The following TNRC18 variants were observed in gnomAD, a reference collection of about 807,000 sequenced individuals.
TNRC18 encodes the protein trinucleotide repeat-containing gene 18 protein.
A neutral mutation model predicts 226.7 loss-of-function variants in TNRC18; 69 were observed. The ratio of observed to expected loss-of-function variants is 0.30; its 90% CI spans 0.25 to 0.37. The LOEUF (loss-of-function observed/expected upper bound fraction) is 0.37, where lower values mean the gene tolerates loss of function less well. TNRC18 is among the 10% of genes least tolerant of loss of function. TNRC18 has a pLI of 1.00. For missense variants in TNRC18, 4,754 were observed against 4,256.6 expected, an observed-to-expected ratio of 1.12 and a Z score of -3.25; for synonymous variants, 2,449 against 1,927.6, an observed-to-expected ratio of 1.27 and a Z score of -7.09.
intron 17 of TNRC18, among the ~76,000 whole-genome samples, chr7:5,348,886 G>A (rs1375498302): frequency 6.8e-6 from 1 of 147,930 alleles, no homozygotes; most frequent in African/African-American, 2.5e-5. Flanking sequence ...AGTGTAGGCA[G>A]ACTTTTCAAC....
At chr7:5,366,804 G>A (rs1562558232) in intron 11 of TNRC18, among the ~76,000 whole-genome samples, 1 of 152,140 alleles carries the variant, frequency 6.6e-6, no homozygotes, top group Non-Finnish European at 1.5e-5. Flanking sequence ...TCCAAGAGGG[G>A]ACCAAGGTAC....
chr7:5,379,209 A>C (rs1277911461), intron 5 of TNRC18, among the ~76,000 whole-genome samples: 7 of 151,734 alleles, frequency 4.6e-5, no homozygotes, highest in East Asian at 3.9e-4. Context: ...AAAAAAAAAA[A>C]CAAAAAAACA....
At chr7:5,415,211 TC>T (rs1332826832) in intron 2 of TNRC18, among the ~76,000 whole-genome samples, 1 of 151,986 alleles carries the variant, frequency 6.6e-6, no homozygotes, top group Non-Finnish European at 1.5e-5. Flanking sequence ...ACTTTTGTGT[TC>T]CGTCCACCTT....
chr7:5,333,371 G>A (rs1481005665), intron 18 of TNRC18, among the ~76,000 whole-genome samples: 1 of 152,214 alleles, frequency 6.6e-6, no homozygotes. Context: ...AGCTGGGCAG[G>A]ACGGGCCCCA....
Position 5,317,256 on chromosome 7 carries a change from C to A in TNRC18, c.6746-1184G>T, listed in dbSNP as rs115627245. Among the ~76,000 whole-genome samples, 579 of 152,034 alleles carry A rather than the reference C, an allele frequency of 3.8e-3. 4 individuals are homozygous for A. The highest frequency in any genetic ancestry group is 0.013 in the African/African-American group (536 of 41,464). On this transcript the variant is annotated intron_variant, in intron 24 of 29. Coordinates refer to ENST00000430969, the MANE Select transcript of TNRC18 (RefSeq NM_001080495.3). ...AGAGGAAGGGCACAGCACCAGCAAGCAGAAGGAGGGGGGACCGGGAAGAGA... is the reference window on the plus strand; with the variant it reads ...AGAGGAAGGGCACAGCACCAGCAAGAAGAAGGAGGGGGGACCGGGAAGAGA...
intron 25 of TNRC18, among the ~76,000 whole-genome samples, chr7:5,315,702 G>A (rs1346665832): frequency 6.6e-5 from 10 of 152,340 alleles, no homozygotes; most frequent in South Asian, 2.1e-4. Context: ...GATTACAGGC[G>A]TGAGCCACCG....
At chr7:5,328,925 G>C (rs1202392598) in intron 19 of TNRC18, among the ~76,000 whole-genome samples, 1 of 152,172 alleles carries the variant, frequency 6.6e-6, no homozygotes, top group Admixed American at 6.5e-5. Flanking sequence ...GGAAATTTGA[G>C]GCTGCAGTCA....
Position 5,421,112 on chromosome 7 carries a change from G to A in TNRC18, c.135C>T (p.Gly45=). Reference sequence around the variant, plus strand: ...CCATGTACTTCCCGGGCGGCAGCGGGCCGGGCAAGCCCGAGGCGGGCAAGC... The same window carrying A: ...CCATGTACTTCCCGGGCGGCAGCGGACCGGGCAAGCCCGAGGCGGGCAAGC... ...AGRLPASGLP[G]PLPPGKYMAG... is the part of the protein sequence containing the mutation. The change falls in exon 2 of 30, where the codon GGC becomes GGT. Residue 45 remains glycine, a synonymous_variant. Transcript: ENST00000430969. The A allele has an allele frequency of 1.4e-6, 2 of 1,467,064 alleles. No individual in the cohort carries two copies. The highest frequency in any genetic ancestry group is 1.4e-5 in the South Asian group (1 of 73,252). 90.9% of individuals were successfully genotyped at this position (1,467,064 alleles called of 1,614,324 possible).
intron 2 of TNRC18, among the ~76,000 whole-genome samples, chr7:5,419,464 T>TGCAC (rs1399577695): frequency 6.6e-6 from 1 of 151,950 alleles, no homozygotes; most frequent in Admixed American, 6.5e-5. Context: ...GACACACGCA[T>TGCAC]GCACACACAC....
chr7:5,361,766 C>T (rs1464822377), intron 13 of TNRC18, 44 bp from the exon 14 acceptor site: 9 of 1,547,302 alleles, frequency 5.8e-6, no homozygotes, highest in African/African-American at 2.8e-5. Context: ...GGGGGGCGGG[C>T]GGGGCGCGGA....
intron 11 of TNRC18, among the ~76,000 whole-genome samples, chr7:5,364,065 A>G (rs1188517494): frequency 6.6e-6 from 1 of 152,208 alleles, no homozygotes; most frequent in Non-Finnish European, 1.5e-5. Flanking sequence ...TGGGTTGCCA[A>G]GGCAGGTGGA....
chr7:5,333,160 C>T (rs562782663), intron 18 of TNRC18, 111 bp from the exon 19 acceptor site: 63 of 1,213,848 alleles, frequency 5.2e-5, no homozygotes, highest in Admixed American at 2.9e-4. Flanking sequence ...CCAATGGCAG[C>T]GCTTCTGCCC....
At chr7:5,331,746 C>T (rs767046338) in intron 19 of TNRC18, among the ~76,000 whole-genome samples, 5 of 152,120 alleles carry the variant, frequency 3.3e-5, no homozygotes, top group Non-Finnish European at 7.3e-5. Flanking sequence ...CTTGTCTATA[C>T]TTAAAATTTA....
At chr7:5,361,758 G>A in intron 13 of TNRC18, 36 bp from the exon 14 acceptor site, 1 of 1,550,484 alleles carries the variant, frequency 6.4e-7, no homozygotes, top group Non-Finnish European at 8.7e-7. Flanking sequence ...GTGACGCTGG[G>A]GGGCGGGCGG....
rs1781805714 is a variant in TNRC18 at position 5,411,023 on chromosome 7, T to C, written c.187+10037A>G. ...GAGTTTGAGACCAGCCTGGCCAACA[T>C]GGTGAAACTCCGTCTCCATTTTAAA... is the stretch of plus-strand genomic sequence containing the variant. On this transcript the variant is annotated intron_variant, in intron 2 of 29. Transcript: ENST00000430969. Among the ~76,000 whole-genome samples, 3 of 151,424 alleles carry C rather than the reference T, an allele frequency of 2.0e-5. No individual in the cohort carries two copies. The South Asian group carries it at 6.3e-4, about 32-fold the overall frequency.
At chr7:5,318,029 G>A (rs111557484) in intron 24 of TNRC18, among the ~76,000 whole-genome samples, 66 of 152,056 alleles carry the variant, frequency 4.3e-4, no homozygotes, top group African/African-American at 1.5e-3. Context: ...CCGCCACCAC[G>A]CCCAGCTTAT....
In TNRC18 at chr7:5,378,294, G is replaced by A. The variant is rs757190278; in HGVS notation, c.2153-270C>T. Among the ~76,000 whole-genome samples, 14 of 152,282 alleles carry A rather than the reference G, an allele frequency of 9.2e-5. No homozygotes were observed. In the East Asian group the frequency reaches 1.5e-3, roughly 17 times the overall value. ...GTCTATGTCCCCTAGACAGACAACC[G>A]TGGCGATAATTAGGCCAACAGCCAG... On this transcript the variant is annotated intron_variant, in intron 5 of 29. Transcript: ENST00000430969.
At chr7:5,365,078 G>A (rs1376448856) in intron 11 of TNRC18, among the ~76,000 whole-genome samples, 1 of 152,104 alleles carries the variant, frequency 6.6e-6, no homozygotes, top group South Asian at 2.1e-4. Context: ...GATGAGTTTT[G>A]ATTCATCTAA....
At chr7:5,344,408 G>C (rs899565005) in intron 18 of TNRC18, among the ~76,000 whole-genome samples, 1 of 152,158 alleles carries the variant, frequency 6.6e-6, no homozygotes, top group Non-Finnish European at 1.5e-5. Flanking sequence ...AGGGGGCCCT[G>C]GTGCCTCTTT....
Sources: allele counts gnomAD v4.1 joint callset (sites outside exome capture counted in the v4.1 genomes callset), GRCh38; gene constraint gnomAD v4.1.1; transcripts MANE v1.5; gene names NCBI Gene and HGNC (gene_info 2026-07-23, HGNC 2026-07-21).